TBC1D15: variants seen among roughly 807,000 people sequenced by gnomAD.
TBC1D15 encodes the protein TBC1 domain family member 15.
A neutral mutation model predicts 95.4 loss-of-function variants in TBC1D15; 39 were observed. The ratio of observed to expected loss-of-function variants is 0.41; its 90% CI spans 0.32 to 0.53. TBC1D15 has a LOEUF of 0.53. Among genes scored for constraint, TBC1D15 ranks in the 20% least tolerant of loss-of-function variants. TBC1D15 has a pLI of 0.29. For synonymous variants in TBC1D15, 258 were observed against 261.3 expected, an observed-to-expected ratio of 0.99 and a Z score of 0.12; for missense variants, 733 against 794.3, an observed-to-expected ratio of 0.92 and a Z score of 0.93.
At chr12:71,913,287 A>C (rs1902854386) in intron 11 of TBC1D15, 1 of 152,334 alleles carries the variant, frequency 6.6e-6, no homozygotes, top group Non-Finnish European at 1.5e-5. Flanking sequence ...GTGAATCTAA[A>C]GGTCTGATTG....
At chr12:71,898,656 T>C (rs1285311489) in intron 10 of TBC1D15, among the ~76,000 whole-genome samples, 3 of 152,156 alleles carry the variant, frequency 2.0e-5, no homozygotes. Flanking sequence ...AATTTTAGGA[T>C]AGCATTGGAT....
chr12:71,894,080 A>T (rs2138684004), intron 6 of TBC1D15, among the ~76,000 whole-genome samples: 1 of 152,148 alleles, frequency 6.6e-6, no homozygotes, highest in South Asian at 2.1e-4. Flanking sequence ...GCTAAATATG[A>T]ATGAGCAAAT....
At chr12:71,869,703 A>G (rs539608751) in intron 1 of TBC1D15, among the ~76,000 whole-genome samples, 3 of 152,180 alleles carry the variant, frequency 2.0e-5, no homozygotes, top group Non-Finnish European at 2.9e-5. Context: ...ATAAAATTGT[A>G]TTGCAGAAGG....
At chr12:71,900,667 G>T (rs537992060) in intron 10 of TBC1D15, among the ~76,000 whole-genome samples, 1 of 152,160 alleles carries the variant, frequency 6.6e-6, no homozygotes, top group South Asian at 2.1e-4. Context: ...CAAAATTCTT[G>T]CCCTAAAGGA....
chr12:71,909,771 A>G (rs1436194589), intron 11 of TBC1D15, among the ~76,000 whole-genome samples: 1 of 152,134 alleles, frequency 6.6e-6, no homozygotes, highest in Non-Finnish European at 1.5e-5. Context: ...TTGCTATGGA[A>G]GTAATTTTAG....
chr12:71,861,181 C>T (rs1213916791), intron 1 of TBC1D15, among the ~76,000 whole-genome samples: 3 of 152,030 alleles, frequency 2.0e-5, no homozygotes, highest in Admixed American at 2.0e-4. Context: ...TTTGTTGTGT[C>T]TTTGTCTAGT....
intron 10 of TBC1D15, among the ~76,000 whole-genome samples, chr12:71,904,944 C>T (rs1041076809): frequency 1.3e-5 from 2 of 152,136 alleles, no homozygotes; most frequent in African/African-American, 2.4e-5. Flanking sequence ...AAAATGGGGT[C>T]AGTCAACGTG....
chr12:71,850,051 C>T (rs551864071), intron 1 of TBC1D15: 34 of 519,414 alleles, frequency 6.5e-5, no homozygotes, highest in South Asian at 2.2e-4. Flanking sequence ...AGAGAGTTCC[C>T]GGAACAGCCA....
intron 1 of TBC1D15, among the ~76,000 whole-genome samples, chr12:71,859,334 T>C (rs1334014526): frequency 6.6e-6 from 1 of 152,226 alleles, no homozygotes; most frequent in Non-Finnish European, 1.5e-5. Flanking sequence ...TTCTTGTATC[T>C]TCTGGATATT....
intron 1 of TBC1D15, among the ~76,000 whole-genome samples, chr12:71,846,690 T>C (rs1242844116): frequency 1.3e-5 from 2 of 152,096 alleles, no homozygotes; most frequent in African/African-American, 2.4e-5. Flanking sequence ...TGTATGTATT[T>C]ATTTTTAATT....
rs1000521591 is a variant in TBC1D15, at chr12:71,923,037, A to C, written c.1858A>C (p.Thr620Pro). 3.1e-6 allele frequency: 5 copies of C among 1,614,190 alleles called. No homozygotes were observed. The highest frequency in any genetic ancestry group is 4.2e-6 in the Non-Finnish European group (5 of 1,180,022). ...ILGLQGSEVT[T>P]PDSDVGEDEN... is the part of the protein sequence containing the mutation. The stretch of plus-strand genomic sequence containing the variant: ...TGGGCTTCAAGGCAGTGAAGTTACA[A>C]CACCAGATTCAGACGTTGGTGAAGA... The change falls in exon 17 of 17, where the codon ACA becomes CCA. Residue 620 changes from threonine (T) to proline (P), a missense_variant. Physicochemically the swap from Thr to Pro is conservative, Grantham distance 38 (BLOSUM62 -1). Transcript: ENST00000485960.
intron 1 of TBC1D15, among the ~76,000 whole-genome samples, chr12:71,841,679 G>A (rs1469337849): frequency 6.6e-6 from 1 of 152,052 alleles, no homozygotes; most frequent in Non-Finnish European, 1.5e-5. Flanking sequence ...CATAGTTCAG[G>A]CTTTTAGTCT....
chr12:71,856,577 C>CT (rs913542588), intron 1 of TBC1D15, among the ~76,000 whole-genome samples: 3 of 151,712 alleles, frequency 2.0e-5, no homozygotes, highest in African/African-American at 4.8e-5. Flanking sequence ...ATATTTTTTT[C>CT]TTTTTTTTCC....
chr12:71,896,090 C>A lies in TBC1D15; in HGVS notation c.984+15C>A. On this transcript the variant is annotated intron_variant, in intron 8 of 16. Transcript: ENST00000485960. ...TATTTAGAGGGGTAATTTAAACACT[C>A]TAATATGGCTTGTCTTATAAACTCC... The A allele has an allele frequency of 6.3e-7, 1 of 1,587,332 alleles. No individual in the cohort carries two copies. Among genetic ancestry groups the A allele is most frequent in the South Asian group, 1.1e-5 (1 of 88,296 alleles).
chr12:71,867,558 A>C (rs915786211), intron 1 of TBC1D15, among the ~76,000 whole-genome samples: 3 of 152,250 alleles, frequency 2.0e-5, no homozygotes, highest in Admixed American at 6.5e-5. Context: ...CTGGGGACCC[A>C]AAAGTGTTCT....
intron 15 of TBC1D15, 77 bp from the exon 16 acceptor site, chr12:71,921,291 G>C (rs1056913060): frequency 3.0e-6 from 2 of 676,958 alleles, no homozygotes; most frequent in African/African-American, 1.9e-5. Context: ...AATATAACTG[G>C]TAATAAATTG....
At chr12:71,877,581 C>T (rs1280034049) in intron 3 of TBC1D15, among the ~76,000 whole-genome samples, 5 of 126,032 alleles carry the variant, frequency 4.0e-5, no homozygotes, top group African/African-American at 1.5e-4. Flanking sequence ...TTCTTTCTTT[C>T]GTATTTATTT....
At chr12:71,877,905 T>C (rs932197289) in intron 3 of TBC1D15, among the ~76,000 whole-genome samples, 1 of 152,204 alleles carries the variant, frequency 6.6e-6, no homozygotes. Context: ...TTGTTGCTTA[T>C]GTAGTGTGGG....
chr12:71,851,372 G>C (rs1277654664), intron 1 of TBC1D15, among the ~76,000 whole-genome samples: 1 of 151,996 alleles, frequency 6.6e-6, no homozygotes, highest in Non-Finnish European at 1.5e-5. Context: ...TGGGGACACA[G>C]ATCCAAACCA....
Sources: gnomAD v4.1 joint callset for allele counts (sites outside exome capture counted in the v4.1 genomes callset) on GRCh38, gnomAD v4.1.1 for gene constraint, MANE v1.5 for transcripts, NCBI Gene and HGNC (gene_info 2026-07-23, HGNC 2026-07-21) for gene names.